GALNT13: variants seen among roughly 807,000 people sequenced by gnomAD.
GALNT13 encodes UDP-GalNAc:polypeptide N-acetylgalactosaminyltransferase 13.
Under a neutral mutation model 64.2 loss-of-function variants are expected in GALNT13, and 28 were observed. The observed-to-expected ratio is 0.44, with a 90% CI of 0.32 to 0.60. The LOEUF (loss-of-function observed/expected upper bound fraction) is 0.60, where lower values mean the gene tolerates loss of function less well. Ranked by LOEUF, GALNT13 falls within the 20% of genes least tolerant of loss-of-function variation. GALNT13 has a pLI of 0.05. For synonymous variants in GALNT13, 214 were observed against 224.6 expected (o/e 0.95, Z 0.42); for missense variants, 577 against 669.8 (o/e 0.86, Z 1.53).
chr2:153,663,469 A>G, the GALNT13 span, among the ~76,000 whole-genome samples: 2 of 152,200 alleles, frequency 1.3e-5, no homozygotes, highest in Non-Finnish European at 2.9e-5. Flanking sequence ...AAGTGAAAAG[A>G]AAATCTTTAC....
intron 3 of GALNT13, among the ~76,000 whole-genome samples, chr2:153,988,936 A>C (rs1694987398): frequency 6.6e-6 from 1 of 151,968 alleles, no homozygotes; most frequent in African/African-American, 2.4e-5. Context: ...GAGGTTCATC[A>C]TGTTGAATTT....
At chr2:153,169,615 T>C in the GALNT13 span, among the ~76,000 whole-genome samples, 1 of 152,078 alleles carries the variant, frequency 6.6e-6, no homozygotes, top group African/African-American at 2.4e-5. Context: ...CCACAAACAC[T>C]GAGAAACTCA....
rs567236489 is a variant in GALNT13 at position 154,414,672 on chromosome 2, G to A, written c.1395+5590G>A. On this transcript the variant is annotated intron_variant, in intron 11 of 12. Coordinates refer to ENST00000392825, the MANE Select transcript of GALNT13 (RefSeq NM_052917.4). ...ATTTTCTAGTGATATTGTTGCTTAT[G>A]TTTCCATTGGGGGTTGAAAGGGGTC... is the stretch of plus-strand genomic sequence containing the variant. 8.4e-4 allele frequency among the ~76,000 whole-genome samples: 127 copies of A among 151,964 alleles called. 1 individual carries two copies. The highest frequency in any genetic ancestry group is 1.5e-3 in the Non-Finnish European group (99 of 67,876).
chr2:154,435,224 A>C (rs766385588), intron 11 of GALNT13, among the ~76,000 whole-genome samples: 3 of 152,248 alleles, frequency 2.0e-5, no homozygotes, highest in Non-Finnish European at 4.4e-5. Context: ...AATAGTTTCC[A>C]TTATTTTAAG....
chr2:153,193,453 G>A, the GALNT13 span, among the ~76,000 whole-genome samples: 13 of 132,854 alleles, frequency 9.8e-5, no homozygotes, highest in East Asian at 2.6e-4. Context: ...TGGTGGGGTC[G>A]GGGGAGGGGG....
the GALNT13 span, among the ~76,000 whole-genome samples, chr2:153,846,218 A>G: frequency 6.6e-6 from 1 of 152,196 alleles, no homozygotes; most frequent in African/African-American, 2.4e-5. Flanking sequence ...TGTTCTTAAA[A>G]CATTAATACT....
chr2:154,242,447 C>T, intron 5 of GALNT13, among the ~76,000 whole-genome samples: 1 of 152,032 alleles, frequency 6.6e-6, no homozygotes. Flanking sequence ...AAAATTTCAG[C>T]CAAAATGACT....
At chr2:153,344,666 G>A in the GALNT13 span, among the ~76,000 whole-genome samples, 1 of 152,124 alleles carries the variant, frequency 6.6e-6, no homozygotes, top group African/African-American at 2.4e-5. Context: ...AAGCTATGAA[G>A]ATCAAATGTA....
At chr2:153,793,702 G>A in the GALNT13 span, among the ~76,000 whole-genome samples, 1 of 150,378 alleles carries the variant, frequency 6.6e-6, no homozygotes, top group Non-Finnish European at 1.5e-5. Flanking sequence ...TACATGTTAT[G>A]TATCAAAGGA....
chr2:153,754,468 G>A, the GALNT13 span, among the ~76,000 whole-genome samples: 130,857 of 152,004 alleles, frequency 0.86, 57,257 homozygotes, highest in Non-Finnish European at 0.9. Flanking sequence ...CAGAGTGTCT[G>A]GAAAAGTTGC....
intron 3 of GALNT13, among the ~76,000 whole-genome samples, chr2:154,033,897 C>T (rs937997978): frequency 6.6e-6 from 1 of 152,122 alleles, no homozygotes; most frequent in Non-Finnish European, 1.5e-5. Flanking sequence ...TGAGATTGTG[C>T]CATTGCACTC....
At chr2:153,879,017 T>C (rs373185200) in intron 1 of GALNT13, among the ~76,000 whole-genome samples, 1 of 152,326 alleles carries the variant, frequency 6.6e-6, no homozygotes, top group South Asian at 2.1e-4. Flanking sequence ...CAGAGTCTCA[T>C]TTAACTGGGA....
chr2:153,575,441 G>A, the GALNT13 span, among the ~76,000 whole-genome samples: 4 of 152,152 alleles, frequency 2.6e-5, no homozygotes, highest in African/African-American at 9.7e-5. Flanking sequence ...CTAGGCCTGT[G>A]TCTCTCTCTT....
At chr2:154,034,810 A>C (rs948736856) in intron 3 of GALNT13, among the ~76,000 whole-genome samples, 2 of 137,708 alleles carry the variant, frequency 1.5e-5, no homozygotes, top group African/African-American at 3.2e-5. Context: ...CCATTGAAAA[A>C]ATGCTCAACA....
At chr2:153,394,481 C>T in the GALNT13 span, among the ~76,000 whole-genome samples, 1 of 152,086 alleles carries the variant, frequency 6.6e-6, no homozygotes, top group Non-Finnish European at 1.5e-5. Flanking sequence ...GGAATGTTGG[C>T]AGAATCAATA....
chr2:154,268,109 T>A (rs1691122153), intron 8 of GALNT13, among the ~76,000 whole-genome samples: 1 of 152,158 alleles, frequency 6.6e-6, no homozygotes, highest in African/African-American at 2.4e-5. Flanking sequence ...GAAAGGAAAA[T>A]GTATATTCAT....
At chr2:153,222,045 A>G in the GALNT13 span, among the ~76,000 whole-genome samples, 5 of 152,078 alleles carry the variant, frequency 3.3e-5, no homozygotes, top group Admixed American at 1.3e-4. Flanking sequence ...TGTTTGTGTT[A>G]CAGCTCTTTC....
chr2:153,394,637 T>C, the GALNT13 span, among the ~76,000 whole-genome samples: 1 of 152,156 alleles, frequency 6.6e-6, no homozygotes, highest in Non-Finnish European at 1.5e-5. Context: ...GCCTGAGGAC[T>C]GTTCAGAAGA....
the GALNT13 span, among the ~76,000 whole-genome samples, chr2:153,793,545 C>T: frequency 0.23 from 35,556 of 151,790 alleles, 4,470 homozygotes; most frequent in Non-Finnish European, 0.28. Flanking sequence ...CATATTGCTC[C>T]TTGTCTCTGT....
Sources: allele counts gnomAD v4.1 joint callset (sites outside exome capture counted in the v4.1 genomes callset), GRCh38; gene constraint gnomAD v4.1.1; transcripts MANE v1.5; gene names NCBI Gene and HGNC (gene_info 2026-07-23, HGNC 2026-07-21).